Variants in FSIP1 observed in about 807,000 individuals in gnomAD.
FSIP1 encodes the protein fibrous sheath interacting protein 1.
In FSIP1, 65 loss-of-function variants were observed where a neutral mutation model predicts 60.9. The ratio of observed to expected loss-of-function variants is 1.07; its 90% CI spans 0.87 to 1.31. The LOEUF is 1.31. Among genes scored for constraint, FSIP1 ranks in the 40% most tolerant of loss-of-function variants. The pLI, the probability that FSIP1 is intolerant of heterozygous loss-of-function variation, is 0.00. For synonymous variants in FSIP1, 209 were observed against 221.2 expected (o/e 0.94, Z 0.49); for missense variants, 675 against 665.5 (o/e 1.01, Z -0.16).
chr15:39,646,414 C>T (rs746365830), intron 10 of FSIP1, among the ~76,000 whole-genome samples: 12 of 146,298 alleles, frequency 8.2e-5, no homozygotes, highest in Non-Finnish European at 1.2e-4. Context: ...CCTAACACTA[C>T]TGGTTTGGGC....
chr15:39,757,123 C>T (rs190592399), intron 5 of FSIP1, among the ~76,000 whole-genome samples: 4 of 151,890 alleles, frequency 2.6e-5, no homozygotes, highest in Admixed American at 2.0e-4. Flanking sequence ...AAAAATTATA[C>T]AGGAAAAAAA....
chr15:39,698,618 A>G (rs1005163734), intron 10 of FSIP1, among the ~76,000 whole-genome samples: 7 of 152,212 alleles, frequency 4.6e-5, no homozygotes, highest in Non-Finnish European at 8.8e-5. Flanking sequence ...TGTTTTCCCC[A>G]GCGGTGTTCT....
chr15:39,662,410 A>G (rs1893333159), intron 10 of FSIP1, among the ~76,000 whole-genome samples: 1 of 152,132 alleles, frequency 6.6e-6, no homozygotes, highest in Non-Finnish European at 1.5e-5. Flanking sequence ...GAGTTCTTTT[A>G]TAGTTCCATT....
In FSIP1 at chr15:39,763,881, C is replaced by A; in HGVS notation, c.499G>T (p.Glu167Ter). Residue 167 changes from glutamate (E) to a stop codon, truncating the protein, a stop_gained, in exon 5 of 12, where the codon GAG (glutamate) becomes TAG (stop). Transcript: ENST00000350221. LOFTEE classifies it high-confidence loss of function. ...AKYSEAWQSK[E>*]EMENTKKFLS... ...AATTTTTTTGTATTTTCCATCTCCT[C>A]TTTACTTTGCCAAGCTTCACTATAT... 2 of 1,600,248 alleles carry A rather than the reference C, an allele frequency of 1.2e-6. No homozygotes were observed. The highest frequency in any genetic ancestry group is 1.7e-6 in the Non-Finnish European group (2 of 1,168,102).
At chr15:39,739,521 GT>G (rs1347742543) in intron 7 of FSIP1, 143 bp downstream of exon 7, 1 of 705,468 alleles carries the variant, frequency 1.4e-6, no homozygotes, top group Non-Finnish European at 2.3e-6. Flanking sequence ...GTTCATAAAA[GT>G]TTTCTTTCAT....
chr15:39,689,711 A>G (rs1283274460), intron 10 of FSIP1, among the ~76,000 whole-genome samples: 1 of 152,232 alleles, frequency 6.6e-6, no homozygotes, highest in Non-Finnish European at 1.5e-5. Flanking sequence ...TTATATCACA[A>G]TATCACACAT....
In FSIP1 at chr15:39,637,304, A is replaced by C. The variant is rs536577600; in HGVS notation, c.1189-19059T>G. 3.3e-4 allele frequency among the ~76,000 whole-genome samples: 50 copies of C among 152,328 alleles called. No individual in the cohort carries two copies. The South Asian group carries it at 8.3e-3, about 25-fold the overall frequency. On this transcript the variant is annotated intron_variant, in intron 10 of 11. Transcript: ENST00000350221. ...ACTAAGACTGGCTGCTTTAAGCAGA[A>C]ACTGAATTAATTGAAACGATGGTGG... is the stretch of plus-strand genomic sequence containing the variant.
chr15:39,779,011 A>C (rs1898157268), intron 1 of FSIP1, among the ~76,000 whole-genome samples: 1 of 152,184 alleles, frequency 6.6e-6, no homozygotes, highest in Non-Finnish European at 1.5e-5. Flanking sequence ...GTGGCTACGT[A>C]ATAGTTAATG....
intron 2 of FSIP1, among the ~76,000 whole-genome samples, chr15:39,772,157 C>G (rs1038735935): frequency 3.3e-5 from 5 of 152,164 alleles, no homozygotes; most frequent in African/African-American, 1.2e-4. Flanking sequence ...TTTCCCACCC[C>G]ACTAGCTACC....
intron 11 of FSIP1, among the ~76,000 whole-genome samples, chr15:39,606,715 A>G (rs1171621443): frequency 6.6e-6 from 1 of 151,852 alleles, no homozygotes; most frequent in African/African-American, 2.4e-5. Flanking sequence ...TTCTGTCCCC[A>G]TTTTTTACTG....
chr15:39,657,810 T>G (rs1194055448), intron 10 of FSIP1, among the ~76,000 whole-genome samples: 1 of 152,118 alleles, frequency 6.6e-6, no homozygotes, highest in Non-Finnish European at 1.5e-5. Context: ...TAGCCCGCAA[T>G]GTGGACTGAT....
intron 10 of FSIP1, among the ~76,000 whole-genome samples, chr15:39,664,537 T>C (rs1181028507): frequency 2.0e-5 from 3 of 152,124 alleles, no homozygotes; most frequent in East Asian, 1.9e-4. Flanking sequence ...CAAGCGAATG[T>C]ATTTTATTTT....
intron 8 of FSIP1, among the ~76,000 whole-genome samples, 171 bp downstream of exon 8, chr15:39,737,920 C>T (rs563737022): frequency 2.0e-5 from 3 of 151,854 alleles, no homozygotes; most frequent in Admixed American, 6.6e-5. Flanking sequence ...TGAGAACACC[C>T]GCGGTATTTT....
At chr15:39,692,695 G>A (rs1473386216) in intron 10 of FSIP1, among the ~76,000 whole-genome samples, 1 of 152,024 alleles carries the variant, frequency 6.6e-6, no homozygotes, top group East Asian at 1.9e-4. Flanking sequence ...ATTAAAGCAG[G>A]ATGGATTAGG....
chr15:39,674,816 A>C (rs1278804858), intron 10 of FSIP1, among the ~76,000 whole-genome samples: 2 of 152,226 alleles, frequency 1.3e-5, no homozygotes, highest in African/African-American at 4.8e-5. Flanking sequence ...TACCCATTAT[A>C]AAACAAGATA....
At chr15:39,709,714 C>T (rs1478898146) in intron 10 of FSIP1, among the ~76,000 whole-genome samples, 1 of 152,114 alleles carries the variant, frequency 6.6e-6, no homozygotes, top group Non-Finnish European at 1.5e-5. Flanking sequence ...CTTAGGTCAT[C>T]AGGCATTAGA....
chr15:39,613,014 T>G (rs1469446975), intron 11 of FSIP1, among the ~76,000 whole-genome samples: 1 of 151,780 alleles, frequency 6.6e-6, no homozygotes, highest in East Asian at 1.9e-4. Flanking sequence ...GAAAAAAATA[T>G]CAGAATATAT....
chr15:39,660,795 C>A lies in FSIP1; in HGVS notation c.1189-42550G>T, dbSNP rs1893264910. 2.0e-5 allele frequency among the ~76,000 whole-genome samples: 3 copies of A among 152,268 alleles called. No homozygotes were observed. In the South Asian group the frequency reaches 6.2e-4, roughly 32 times the overall value. ...CAATAATTGGCTGGGCATGGTGGCTCACACCTGTGATTTTCCCAGCACTTT... is the reference window on the plus strand; with the variant it reads ...CAATAATTGGCTGGGCATGGTGGCTAACACCTGTGATTTTCCCAGCACTTT... On this transcript the variant is annotated intron_variant, in intron 10 of 11. Coordinates refer to ENST00000350221, the MANE Select transcript of FSIP1 (RefSeq NM_152597.5).
chr15:39,726,694 G>A lies in FSIP1; in HGVS notation c.945C>T (p.Thr315=). The A allele has an allele frequency of 6.2e-7, 1 of 1,613,946 alleles. No individual in the cohort carries two copies. Among genetic ancestry groups the A allele is most frequent in the Non-Finnish European group, 8.5e-7 (1 of 1,179,908 alleles). The change falls in exon 9 of 12, where the codon ACC becomes ACT. Residue 315 remains threonine, a synonymous_variant. Transcript: ENST00000350221. ...CAATTTCAGCAAGCTGCTGATGCTGGGTGACTGCAAGTTCATATCCTTTTA... is the reference window on the plus strand; with the variant it reads ...CAATTTCAGCAAGCTGCTGATGCTGAGTGACTGCAAGTTCATATCCTTTTA... The part of the protein sequence containing the change: ...VPVKGYELAV[T]QHQQLAEIDI...
Sources: allele counts gnomAD v4.1 joint callset (sites outside exome capture counted in the v4.1 genomes callset), GRCh38; gene constraint gnomAD v4.1.1; transcripts MANE v1.5; gene names NCBI Gene and HGNC (gene_info 2026-07-23, HGNC 2026-07-21).